RABGGTA: variants seen among roughly 807,000 people sequenced by gnomAD.
RABGGTA encodes geranylgeranyl transferase type-2 subunit alpha.
In RABGGTA, 69 loss-of-function variants were observed where a neutral mutation model predicts 83.3. That is an observed-to-expected ratio of 0.83 (90% CI 0.68 to 1.01). The LOEUF (loss-of-function observed/expected upper bound fraction) is 1.01, where lower values mean the gene tolerates loss of function less well. Among genes scored for constraint, RABGGTA ranks in the 50% least tolerant of loss-of-function variants. The pLI, the probability that RABGGTA is intolerant of heterozygous loss-of-function variation, is 0.00. For synonymous variants in RABGGTA, 310 were observed against 299.8 expected, an observed-to-expected ratio of 1.03 and a Z score of -0.35; for missense variants, 681 against 712.7, an observed-to-expected ratio of 0.96 and a Z score of 0.51.
Position 24,269,639 on chromosome 14 carries a change from T to C in RABGGTA, c.483A>G (p.Ala161=). ...FVATQAAVPP[A]EELAFTDSLI... ...GGCTGTCAGTGAAGGCTAGCTCTTC[T>C]GCAGGGGGCACGGCTGCCTGTGTGG... The change falls in exon 6 of 17, where the codon GCA becomes GCG. Residue 161 remains alanine (A), a synonymous_variant. Transcript: ENST00000216840. 1 of 1,613,972 alleles carries C rather than the reference T, an allele frequency of 6.2e-7. No individual in the cohort carries two copies. Among genetic ancestry groups the C allele is most frequent in the South Asian group, 1.1e-5 (1 of 91,084 alleles).
rs559685471 is a variant in RABGGTA, at chr14:24,265,550, GA to G, written c.*64del. On this transcript the variant is annotated 3_prime_UTR_variant, in exon 17 of 17. Coordinates refer to ENST00000216840, the MANE Select transcript of RABGGTA (RefSeq NM_182836.3). Reference sequence around the variant, plus strand: ...CAGCGACAACAGCTTGGTAGCCTGAGAGGGCCTCTCCATTCTTTATTCAGTC... The same window carrying G: ...CAGCGACAACAGCTTGGTAGCCTGAGGGGCCTCTCCATTCTTTATTCAGTC... 3.0e-4 allele frequency: 464 copies of G among 1,561,232 alleles called. 3 individuals carry two copies. In the African/African-American group the frequency reaches 5.7e-3, roughly 19 times the overall value.
Position 24,266,349 on chromosome 14 carries a change from T to C in RABGGTA, c.1555+81A>G, listed in dbSNP as rs987180672. On this transcript the variant is annotated intron_variant, in intron 16 of 16. Transcript: ENST00000216840. ...TCCTGCCCTGCAAGAGGGTGGCACA[T>C]ACCCTGCCTGCTGTCTGTCCCTTCC... 11 of 1,321,534 alleles carry C rather than the reference T, an allele frequency of 8.3e-6. No individual in the cohort carries two copies. The Admixed American group carries it at 8.4e-5, about 10-fold the overall frequency. The allele number at this position is 1,321,534 out of a possible 1,614,324, so 81.9% of individuals were successfully genotyped here.
At position 24,269,585 on chromosome 14, in the gene RABGGTA, A is replaced by G. The variant is rs2040918571; in HGVS notation, c.537T>C (p.Ser179=). ...AGAGACAGGAGCGGTAATGCCAGGAAGAGTAGTTGGAGAAGTTTCGGGTGA... is the reference window on the plus strand; with the variant it reads ...AGAGACAGGAGCGGTAATGCCAGGAGGAGTAGTTGGAGAAGTTTCGGGTGA... ...SLITRNFSNY[S]SWHYRSCLLP... The change falls in exon 6 of 17, where the codon TCT becomes TCC. Residue 179 remains serine (S), a synonymous_variant. Transcript: ENST00000216840. 6.2e-7 allele frequency: 1 copy of G among 1,612,260 alleles called. No individual in the cohort carries two copies. Among genetic ancestry groups the G allele is most frequent in the Admixed American group, 1.7e-5 (1 of 60,000 alleles).
Position 24,271,103 on chromosome 14 carries a change from G to A in RABGGTA, c.3+10C>T. 1 of 1,557,628 alleles carries A rather than the reference G, an allele frequency of 6.4e-7. No individual in the cohort carries two copies. The highest frequency in any genetic ancestry group is 8.7e-7 in the Non-Finnish European group (1 of 1,151,566). On this transcript the variant is annotated intron_variant, in intron 2 of 16. Transcript: ENST00000216840. ...CTGCGGAGGTGAAGGGCTGGGCTCA[G>A]GGTTCTCACCATGGTGCCGGCTCAG...
At chr14:24,266,258 C>T (rs1483835022) in intron 16 of RABGGTA, among the ~76,000 whole-genome samples, 172 bp downstream of exon 16, 1 of 152,110 alleles carries the variant, frequency 6.6e-6, no homozygotes, top group Non-Finnish European at 1.5e-5. Flanking sequence ...TCCACCAGTG[C>T]AGGTCAGTGA....
intron 3 of RABGGTA, 60 bp downstream of exon 3, chr14:24,270,777 T>C: frequency 6.4e-7 from 1 of 1,573,374 alleles, no homozygotes; most frequent in South Asian, 1.2e-5. Flanking sequence ...GACCAGCTCT[T>C]GGCCTCTGCA....
chr14:24,270,260 T>A (rs979257112), intron 4 of RABGGTA, 74 bp downstream of exon 4: 5 of 1,584,498 alleles, frequency 3.2e-6, no homozygotes, highest in Non-Finnish European at 4.3e-6. Flanking sequence ...GCCCCATTTC[T>A]CCTCCACCCC....
intron 14 of RABGGTA, 33 bp downstream of exon 14, chr14:24,267,627 G>T: frequency 6.4e-7 from 1 of 1,562,660 alleles, no homozygotes; most frequent in Non-Finnish European, 8.7e-7. Context: ...AGCGGGATGA[G>T]GGCCAGGGGA....
chr14:24,271,298 C>A (rs2040947883), intron 1 of RABGGTA, 129 bp from the exon 2 acceptor site: 12 of 718,862 alleles, frequency 1.7e-5, no homozygotes, highest in Non-Finnish European at 2.3e-5. Context: ...AGGCTTTGCA[C>A]GTTCCACAAG....
Position 24,271,106 on chromosome 14 carries a change from T to C in RABGGTA, c.3+7A>G, listed in dbSNP as rs751946261. ...CGGAGGTGAAGGGCTGGGCTCAGGG[T>C]TCTCACCATGGTGCCGGCTCAGGGT... On this transcript the variant is annotated splice_region_variant and intron_variant, in intron 2 of 16. Coordinates refer to ENST00000216840, the MANE Select transcript of RABGGTA (RefSeq NM_182836.3). The C allele has an allele frequency of 6.4e-7, 1 of 1,553,272 alleles. No individual in the cohort carries two copies. Among genetic ancestry groups the C allele is most frequent in the East Asian group, 2.3e-5 (1 of 44,316 alleles).
intron 16 of RABGGTA, 117 bp from the exon 17 acceptor site, chr14:24,265,880 C>A: frequency 9.8e-6 from 14 of 1,425,146 alleles, no homozygotes; most frequent in Non-Finnish European, 1.3e-5. Context: ...ATCTCATATG[C>A]TCCCTGGAGG....
In RABGGTA at chr14:24,265,600, AG is replaced by A; in HGVS notation, c.*14del. On this transcript the variant is annotated 3_prime_UTR_variant, in exon 17 of 17. Coordinates refer to ENST00000216840, the MANE Select transcript of RABGGTA (RefSeq NM_182836.3). The stretch of plus-strand genomic sequence containing the variant: ...TCCCAATAAGTTAAAGGGCAAGGGT[AG>A]GGGGCAGGGCCTCTTAGGTGAGGAC... The A allele has an allele frequency of 6.8e-6, 11 of 1,612,150 alleles. No individual in the cohort carries two copies. The highest frequency in any genetic ancestry group is 9.3e-6 in the Non-Finnish European group (11 of 1,178,960).
intron 4 of RABGGTA, 35 bp from the exon 5 acceptor site, chr14:24,270,175 T>C: frequency 1.4e-5 from 22 of 1,580,198 alleles, no homozygotes; most frequent in Non-Finnish European, 1.9e-5. Context: ...GTCAGGGCTC[T>C]CCTACAGTCA....
Position 24,265,608 on chromosome 14 carries a change from G to T in RABGGTA, c.*7C>A, listed in dbSNP as rs777502034. 2 of 1,613,068 alleles carry T rather than the reference G, an allele frequency of 1.2e-6. No homozygotes were observed. Among genetic ancestry groups the T allele is most frequent in the Non-Finnish European group, 1.7e-6 (2 of 1,179,524 alleles). The stretch of plus-strand genomic sequence containing the variant: ...AGTTAAAGGGCAAGGGTAGGGGGCA[G>T]GGCCTCTTAGGTGAGGACGCTGCTA... On this transcript the variant is annotated 3_prime_UTR_variant, in exon 17 of 17. Transcript: ENST00000216840.
rs775551430 is a variant in RABGGTA at position 24,270,413 on chromosome 14, G to A, written c.160C>T (p.Gln54Ter). 5 of 1,613,906 alleles carry A rather than the reference G, an allele frequency of 3.1e-6. No homozygotes were observed. Among genetic ancestry groups the A allele is most frequent in the Non-Finnish European group, 8.5e-7 (1 of 1,179,902 alleles). Reference sequence around the variant, plus strand: ...AAATCAGGGTTGGCTCCCAGAATCTGGCTTGTCAGTTCCAGCACGGACTCA... The same window carrying A: ...AAATCAGGGTTGGCTCCCAGAATCTAGCTTGTCAGTTCCAGCACGGACTCA... ...LDESVLELTS[Q>*]ILGANPDFAT... is the part of the protein sequence containing the mutation. The change falls in exon 4 of 17, where the codon CAG becomes TAG. Residue 54 changes from glutamine (Q) to a stop codon, truncating the protein, a stop_gained. Transcript: ENST00000216840. LOFTEE classifies it high-confidence loss of function.
intron 1 of RABGGTA, 79 bp from the exon 2 acceptor site, chr14:24,271,248 C>T (rs1217345693): frequency 3.2e-6 from 4 of 1,231,684 alleles, no homozygotes; most frequent in South Asian, 1.7e-5. Flanking sequence ...AGCAAGCGTG[C>T]CTGGGCAGAG....
At position 24,269,690 on chromosome 14, in the gene RABGGTA, G is replaced by A; in HGVS notation, c.432C>T (p.His144=). 1 of 1,613,894 alleles carries A rather than the reference G, an allele frequency of 6.2e-7. No homozygotes were observed. The highest frequency in any genetic ancestry group is 8.5e-7 in the Non-Finnish European group (1 of 1,179,798). ...RFLEVDERNF[H]CWDYRRFVAT... is the part of the protein sequence containing the mutation. ...CCACAAACCGCCGATAGTCCCAGCA[G>A]TGAACTGGAGGGGAGAGGTGACAGC... Residue 144 remains histidine (H), a synonymous_variant, in exon 6 of 17, where the codon CAC becomes CAT. Coordinates refer to ENST00000216840, the MANE Select transcript of RABGGTA (RefSeq NM_182836.3).
In RABGGTA at chr14:24,268,776, CAG is replaced by C. The variant is rs2040906034; in HGVS notation, c.847_848del (p.Leu283AspfsTer20). 6.3e-7 allele frequency: 1 copy of C among 1,579,412 alleles called. No individual in the cohort carries two copies. Among genetic ancestry groups the C allele is most frequent in the African/African-American group, 1.4e-5 (1 of 74,040 alleles). On this transcript the variant is annotated frameshift_variant, in exon 9 of 17. Coordinates refer to ENST00000216840, the MANE Select transcript of RABGGTA (RefSeq NM_182836.3). LOFTEE classifies it high-confidence loss of function. ...CATCTGGGGTCCTCCACTCCACAAT[CAG>C]GGGAGAATCATCAACCATGAGCAGC... ...ILLLMVDDSP[L>X]IVEWRTPDGR...
Position 24,267,928 on chromosome 14 carries a change from C to T in RABGGTA, c.1178G>A (p.Arg393Gln), listed in dbSNP as rs745370644. 8.1e-6 allele frequency: 13 copies of T among 1,613,718 alleles called. No homozygotes were observed. Among genetic ancestry groups the T allele is most frequent in the Admixed American group, 3.3e-5 (2 of 60,022 alleles). The change falls in exon 13 of 17, where the codon CGG (arginine) becomes CAG (glutamine). Residue 393 changes from arginine (R) to glutamine (Q), a missense_variant. This residue lies in a region of RABGGTA where 421 missense variants were observed against 418.5 expected (regional missense o/e 1.01). Coordinates refer to ENST00000216840, the MANE Select transcript of RABGGTA (RefSeq NM_182836.3). ...CTCATACAGCAGGGGGTCCAGTGCC[C>T]GCATCAGCAGGATGATGGTAAGCAG... Reference protein sequence around the residue: ...WCLLTIILLMRALDPLLYEKE... With the variant: ...WCLLTIILLMQALDPLLYEKE...
Sources: allele counts gnomAD v4.1 joint callset (sites outside exome capture counted in the v4.1 genomes callset), GRCh38; gene constraint gnomAD v4.1.1; regional missense constraint gnomAD v4.1.1; transcripts MANE v1.5; gene names NCBI Gene and HGNC (gene_info 2026-07-23, HGNC 2026-07-21).